CWF19L1: variants seen among roughly 807,000 people sequenced by gnomAD.
CWF19L1 encodes the protein CWF19 like cell cycle control factor 1.
In CWF19L1, 60 loss-of-function variants were observed where a neutral mutation model predicts 69.7. That is an observed-to-expected ratio of 0.86 (90% CI 0.70 to 1.07). The LOEUF is 1.07. Ranked by LOEUF, CWF19L1 falls within the 50% of genes least tolerant of loss-of-function variation. The pLI is 0.00. For missense variants in CWF19L1, 591 were observed against 638.9 expected (o/e 0.92, Z 0.81); for synonymous variants, 209 against 222.2 (o/e 0.94, Z 0.53).
intron 5 of CWF19L1, chr10:100,253,870 G>T: frequency 1.6e-5 from 3 of 185,152 alleles, no homozygotes; most frequent in Non-Finnish European, 3.2e-5. Flanking sequence ...TGGGCTTCTA[G>T]TTTTGGTTTG....
intron 7 of CWF19L1, among the ~76,000 whole-genome samples, chr10:100,247,176 C>T (rs975540299): frequency 1.3e-5 from 2 of 152,184 alleles, no homozygotes; most frequent in Admixed American, 6.5e-5. Flanking sequence ...CCCCCACCCT[C>T]ACAAACCAGG....
At chr10:100,254,287 T>C (rs983380073) in intron 5 of CWF19L1, 23 of 152,306 alleles carry the variant, frequency 1.5e-4, no homozygotes, top group African/African-American at 5.1e-4. Context: ...ATATCTGGTA[T>C]AGAGTATTCA....
intron 1 of CWF19L1, among the ~76,000 whole-genome samples, chr10:100,262,989 G>T (rs1193284644): frequency 2.0e-5 from 3 of 151,612 alleles, no homozygotes; most frequent in African/African-American, 7.3e-5. Flanking sequence ...AAGTGCAGTG[G>T]CACGACCTTG....
intron 1 of CWF19L1, among the ~76,000 whole-genome samples, chr10:100,266,342 C>G (rs1392536472): frequency 7.2e-6 from 1 of 139,544 alleles, no homozygotes; most frequent in Non-Finnish European, 1.5e-5. Flanking sequence ...CCACGCCCGG[C>G]TAATTTTTTT....
chr10:100,245,644 C>A (rs1024485977), intron 9 of CWF19L1, among the ~76,000 whole-genome samples, 155 bp downstream of exon 9: 1 of 152,206 alleles, frequency 6.6e-6, no homozygotes, highest in African/African-American at 2.4e-5. Context: ...CTGGCCAAGG[C>A]CATGTTTATA....
intron 10 of CWF19L1, among the ~76,000 whole-genome samples, chr10:100,238,668 G>A (rs1048796980): frequency 9.9e-5 from 15 of 152,098 alleles, no homozygotes; most frequent in South Asian, 2.1e-4. Flanking sequence ...AGTGGCTCAC[G>A]CTTGTAATCC....
intron 7 of CWF19L1, chr10:100,248,757 C>G: frequency 7.5e-7 from 1 of 1,335,586 alleles, no homozygotes; most frequent in South Asian, 1.2e-5. Context: ...TCCTGGATGA[C>G]GTGTCCTTGA....
At chr10:100,237,002 T>A in intron 11 of CWF19L1, 33 bp from the exon 12 acceptor site, 1 of 1,547,756 alleles carries the variant, frequency 6.5e-7, no homozygotes, top group Non-Finnish European at 8.7e-7. Flanking sequence ...AAATTCCTTG[T>A]GCAGGTCCCA....
intron 9 of CWF19L1, 63 bp from the exon 10 acceptor site, chr10:100,243,840 C>G (rs1465380472): frequency 3.7e-5 from 48 of 1,300,304 alleles, no homozygotes; most frequent in Non-Finnish European, 5.2e-5. Context: ...AATCACCCCA[C>G]AGAACTCAGC....
intron 13 of CWF19L1, 170 bp from the exon 14 acceptor site, chr10:100,233,541 A>G: frequency 1.9e-6 from 1 of 540,350 alleles, no homozygotes; most frequent in Non-Finnish European, 3.1e-6. Context: ...CAGCTCAGGT[A>G]CTATATATTT....
chr10:100,242,390 T>C (rs1372643794), intron 10 of CWF19L1, among the ~76,000 whole-genome samples: 1 of 152,146 alleles, frequency 6.6e-6, no homozygotes, highest in Non-Finnish European at 1.5e-5. Flanking sequence ...TAAAAATTCA[T>C]AGGCCGGGGG....
intron 7 of CWF19L1, chr10:100,248,958 C>G: frequency 1.4e-6 from 1 of 735,628 alleles, no homozygotes. Context: ...CAGGGAACAG[C>G]CTGATAGAGC....
At chr10:100,239,173 G>T (rs1013548196) in intron 10 of CWF19L1, among the ~76,000 whole-genome samples, 1 of 152,166 alleles carries the variant, frequency 6.6e-6, no homozygotes, top group Non-Finnish European at 1.5e-5. Context: ...AGGCAGAAAA[G>T]AATGATTTCC....
chr10:100,249,011 T>C (rs1564856122), intron 7 of CWF19L1: 4 of 638,390 alleles, frequency 6.3e-6, no homozygotes, highest in African/African-American at 1.8e-5. Flanking sequence ...TTCCAGCTCT[T>C]ATACTCTGGG....
rs565410808 is a variant in CWF19L1, at chr10:100,245,920, T to C, written c.850-7A>G. On this transcript the variant is annotated splice_region_variant and splice_polypyrimidine_tract_variant and intron_variant, in intron 8 of 13. Coordinates refer to ENST00000354105, the MANE Select transcript of CWF19L1 (RefSeq NM_018294.6). ...ACTGACAGGCTGATTCTTCCTGGAA[T>C]GGCCAAAAGCAGAAGATTAAATGTT... 1.2e-6 allele frequency: 2 copies of C among 1,601,816 alleles called. No homozygotes were observed. The highest frequency in any genetic ancestry group is 2.7e-5 in the African/African-American group (2 of 74,778).
At chr10:100,250,762 AC>A in intron 6 of CWF19L1, among the ~76,000 whole-genome samples, 1 of 133,488 alleles carries the variant, frequency 7.5e-6, no homozygotes. Flanking sequence ...CCTGGGCAAC[AC>A]AGTGAGACTC....
chr10:100,250,810 T>C (rs1847001352), intron 6 of CWF19L1, among the ~76,000 whole-genome samples: 1 of 152,134 alleles, frequency 6.6e-6, no homozygotes, highest in East Asian at 1.9e-4. Flanking sequence ...TAACTGGGCA[T>C]GGTGGTGCAT....
Position 100,245,860 on chromosome 10 carries a change from C to A in CWF19L1, c.903G>T (p.Lys301Asn), listed in dbSNP as rs1367649121. 6.2e-7 allele frequency: 1 copy of A among 1,614,220 alleles called. No individual in the cohort carries two copies. Among genetic ancestry groups the A allele is most frequent in the African/African-American group, 1.3e-5 (1 of 75,064 alleles). The change falls in exon 9 of 14, where the codon AAG becomes AAT. Residue 301 changes from lysine (K) to asparagine (N), a missense_variant. Around this residue, in one of 3 missense-constraint regions of CWF19L1, gnomAD observed 458 missense variants for 489.3 expected, o/e 0.94. Transcript: ENST00000354105. ...TGCTATCTCTACCTGTGGATGAACG[C>A]TTCCTTCCCTGCTTTTCATTTAAAT... Reference protein sequence around the residue: ...FFDLNEKQGRKRSSTGRDSKS... With the variant: ...FFDLNEKQGRNRSSTGRDSKS...
chr10:100,262,384 C>CA (rs1847435126), intron 1 of CWF19L1: 1 of 985,224 alleles, frequency 1.0e-6, no homozygotes, highest in Non-Finnish European at 1.2e-6. Context: ...CACCAAGTCC[C>CA]ATCAATCCCT....
Sources: gnomAD v4.1 joint callset for allele counts (sites outside exome capture counted in the v4.1 genomes callset) on GRCh38, gnomAD v4.1.1 for gene constraint, gnomAD v4.1.1 regional missense constraint, MANE v1.5 for transcripts, NCBI Gene and HGNC (gene_info 2026-07-23, HGNC 2026-07-21) for gene names.